Variants in FARP1 observed in about 807,000 individuals in gnomAD.
FARP1 encodes FERM, ARHGEF and pleckstrin domain-containing protein 1.
Under a neutral mutation model 128.8 loss-of-function variants are expected in FARP1, and 52 were observed. The observed-to-expected ratio is 0.40, with a 90% CI of 0.32 to 0.51. FARP1 has a LOEUF of 0.51. FARP1 is among the 20% of genes least tolerant of loss of function. The probability of loss-of-function intolerance (pLI) is 0.45; values close to 1 mark genes in which losing one functional copy is unlikely to be tolerated. For missense variants in FARP1, 1,333 were observed against 1,367.9 expected, an observed-to-expected ratio of 0.97 and a Z score of 0.40; for synonymous variants, 580 against 551.8, an observed-to-expected ratio of 1.05 and a Z score of -0.72.
chr13:98,415,942 T>C (rs1479302322), intron 16 of FARP1, among the ~76,000 whole-genome samples: 1 of 152,250 alleles, frequency 6.6e-6, no homozygotes, highest in Non-Finnish European at 1.5e-5. Context: ...CTGGGTGAAA[T>C]GTGGATGGCA....
intron 3 of FARP1, among the ~76,000 whole-genome samples, chr13:98,362,883 T>C (rs76598363): frequency 0.043 from 6,508 of 152,304 alleles, 163 homozygotes; most frequent in Middle Eastern, 0.095. Context: ...TGTCACCTCC[T>C]TCCCTGGGCA....
rs761369387 is a variant in FARP1 at position 98,410,808 on chromosome 13, C to T, written c.1677C>T (p.Leu559=). Residue 559 remains leucine (L), a synonymous_variant, in exon 15 of 27, where the codon CTC becomes CTT. Transcript: ENST00000319562. ...STTERTYLKD[L]EVITSWFQST... ...CCGAGCGAACATATCTGAAGGATCT[C>T]GAAGTTATCACTTCGGTATGTGCAG... 8.2e-6 allele frequency: 13 copies of T among 1,579,266 alleles called. No homozygotes were observed. Among genetic ancestry groups the T allele is most frequent in the South Asian group, 7.9e-5 (7 of 89,080 alleles).
intron 1 of FARP1, chr13:98,203,729 CAT>C (rs1430901279): frequency 6.6e-6 from 1 of 152,176 alleles, no homozygotes; most frequent in Non-Finnish European, 1.5e-5. Context: ...TCTGTGCAGA[CAT>C]ATGTTTTCAT....
intron 2 of FARP1, among the ~76,000 whole-genome samples, chr13:98,343,062 T>C (rs1594424491): frequency 6.6e-6 from 1 of 151,898 alleles, no homozygotes; most frequent in African/African-American, 2.4e-5. Flanking sequence ...CTTATATGCA[T>C]ATTACTGAAT....
At chr13:98,144,177 G>A (rs1875322195) in intron 1 of FARP1, among the ~76,000 whole-genome samples, 1 of 152,148 alleles carries the variant, frequency 6.6e-6, no homozygotes, top group African/African-American at 2.4e-5. Flanking sequence ...CTTTAGCTGT[G>A]TGATCCGGCT....
At chr13:98,312,281 C>T (rs1162291120) in intron 2 of FARP1, among the ~76,000 whole-genome samples, 3 of 151,894 alleles carry the variant, frequency 2.0e-5, no homozygotes, top group Non-Finnish European at 4.4e-5. Context: ...GCTGGGACTA[C>T]AGGCGCCCGC....
At chr13:98,388,718 G>A (rs1481984005) in intron 9 of FARP1, among the ~76,000 whole-genome samples, 1 of 152,198 alleles carries the variant, frequency 6.6e-6, no homozygotes, top group African/African-American at 2.4e-5. Context: ...ATGTACCTGG[G>A]GAGAGGGTCA....
At chr13:98,318,659 A>T (rs1256764109) in intron 2 of FARP1, among the ~76,000 whole-genome samples, 2 of 152,140 alleles carry the variant, frequency 1.3e-5, no homozygotes, top group African/African-American at 4.8e-5. Context: ...TTGACCTTGC[A>T]TGGCGCCAGG....
intron 2 of FARP1, chr13:98,333,480 A>ACACAT (rs1555338445): frequency 9.2e-6 from 1 of 108,338 alleles, no homozygotes; most frequent in African/African-American, 3.2e-5. Flanking sequence ...CACACACACA[A>ACACAT]AATCTATCTT....
In FARP1 at chr13:98,401,073, A is replaced by C. The variant is rs1354871128; in HGVS notation, c.1414+5597A>C. On this transcript the variant is annotated intron_variant, in intron 13 of 26. Coordinates refer to ENST00000319562, the MANE Select transcript of FARP1 (RefSeq NM_005766.4). ...TAATCCGTTGCTACCATTTCCACTT[A>C]AAATGGTAGCTCTCTGATGAGTTTT... 3 of 152,222 alleles carry C rather than the reference A, an allele frequency of 2.0e-5. No homozygotes were observed. The East Asian group carries it at 5.8e-4, about 29-fold the overall frequency. The allele number at this position is 152,222 out of a possible 1,614,324, so 9.4% of individuals were successfully genotyped here.
chr13:98,305,853 T>C (rs1454548971), intron 2 of FARP1, among the ~76,000 whole-genome samples: 1 of 127,438 alleles, frequency 7.8e-6, no homozygotes. Flanking sequence ...CTTGTATTAT[T>C]ACTTTCCCTT....
intron 1 of FARP1, among the ~76,000 whole-genome samples, chr13:98,168,521 C>T (rs1350451625): frequency 6.6e-6 from 1 of 152,246 alleles, no homozygotes; most frequent in Non-Finnish European, 1.5e-5. Context: ...TCTCACTGGC[C>T]TGGTCAGCGT....
intron 2 of FARP1, among the ~76,000 whole-genome samples, chr13:98,277,145 CACA>C (rs1884695318): frequency 5.0e-5 from 7 of 140,950 alleles, no homozygotes; most frequent in South Asian, 4.6e-4. Flanking sequence ...CACACACACA[CACA>C]CCCCATATGT....
chr13:98,195,373 C>G (rs916707312), intron 1 of FARP1, among the ~76,000 whole-genome samples: 9 of 152,080 alleles, frequency 5.9e-5, no homozygotes, highest in Non-Finnish European at 1.3e-4. Context: ...TGTATTCCCC[C>G]GGGCTGTTTG....
chr13:98,256,442 G>A (rs9517235), intron 2 of FARP1, among the ~76,000 whole-genome samples: 112,941 of 152,086 alleles, frequency 0.74, 44,490 homozygotes, highest in East Asian at 0.92. Context: ...GCCAGATGAA[G>A]ATGTTCTAGA....
At chr13:98,242,011 G>A (rs574002051) in intron 2 of FARP1, among the ~76,000 whole-genome samples, 1 of 152,138 alleles carries the variant, frequency 6.6e-6, no homozygotes, top group Non-Finnish European at 1.5e-5. Flanking sequence ...AGGCTAAGCC[G>A]GGAGGATCGC....
At chr13:98,179,781 C>T (rs1457355518) in intron 1 of FARP1, among the ~76,000 whole-genome samples, 2 of 152,000 alleles carry the variant, frequency 1.3e-5, no homozygotes, top group Non-Finnish European at 2.9e-5. Flanking sequence ...GGCGTGAACC[C>T]GGGAGGCAGA....
intron 2 of FARP1, among the ~76,000 whole-genome samples, chr13:98,339,828 C>G (rs1344617299): frequency 6.6e-6 from 1 of 152,140 alleles, no homozygotes. Flanking sequence ...TACTGCAAAC[C>G]CATGACAATG....
Position 98,424,650 on chromosome 13 carries a change from G to GGTGA in FARP1, c.1905+2_1905+5dup, listed in dbSNP as rs760282709. ...TGCTGAAGAACATTCAGGGCATGAA[G>GGTGA]GTGAGCTGGTTGAGATTTGGGTGGA... On this transcript the variant is annotated frameshift_variant and splice_region_variant. Coordinates refer to ENST00000319562, the MANE Select transcript of FARP1 (RefSeq NM_005766.4). LOFTEE classifies it high-confidence loss of function. 13 of 1,608,240 alleles carry GGTGA rather than the reference G, an allele frequency of 8.1e-6. No homozygotes were observed. The African/African-American group carries it at 1.7e-4, about 21-fold the overall frequency.
Sources: allele counts gnomAD v4.1 joint callset (sites outside exome capture counted in the v4.1 genomes callset), GRCh38; gene constraint gnomAD v4.1.1; transcripts MANE v1.5; gene names NCBI Gene and HGNC (gene_info 2026-07-23, HGNC 2026-07-21).